The following CEP162 variants were observed in gnomAD, a reference collection of about 807,000 sequenced individuals.
CEP162 encodes centrosomal protein of 162 kDa.
In CEP162, 141 loss-of-function variants were observed where a neutral mutation model predicts 169.2. The ratio of observed to expected loss-of-function variants is 0.83; its 90% CI spans 0.73 to 0.96. CEP162 has a LOEUF of 0.96. Ranked by LOEUF, CEP162 falls within the 40% of genes least tolerant of loss-of-function variation. The pLI is 0.00. For missense variants in CEP162, 1,600 were observed against 1,587.2 expected (o/e 1.01, Z -0.14); for synonymous variants, 540 against 526.4 (o/e 1.03, Z -0.35).
chr6:84,174,872 C>T lies in CEP162; in HGVS notation c.1880G>A (p.Arg627Lys). 2.6e-6 allele frequency: 4 copies of T among 1,565,098 alleles called. No individual in the cohort carries two copies. Among genetic ancestry groups the T allele is most frequent in the African/African-American group, 1.4e-5 (1 of 73,778 alleles). Reference sequence around the variant, plus strand: ...TTGCTCAATTAGGGCTTGCGCACCCCTCCATTTATCCTCTGCTTCCTGAAC... The same window carrying T: ...TTGCTCAATTAGGGCTTGCGCACCCTTCCATTTATCCTCTGCTTCCTGAAC... The part of the protein sequence containing the change: ...KRVQEAEDKW[R>K]GAQALIEQIK... Residue 627 changes from arginine to lysine, a missense_variant, in exon 15 of 27, where the codon AGG (arginine) becomes AAG (lysine). Transcript: ENST00000403245.
At chr6:84,171,783 G>T in intron 16 of CEP162, 65 bp from the exon 17 acceptor site, 1 of 617,134 alleles carries the variant, frequency 1.6e-6, no homozygotes, top group South Asian at 3.2e-5. Context: ...CATAATATAT[G>T]TGCTCATAAT....
chr6:84,184,926 T>C (rs1293224472), intron 13 of CEP162, among the ~76,000 whole-genome samples: 2 of 151,964 alleles, frequency 1.3e-5, no homozygotes, highest in Admixed American at 1.3e-4. Context: ...GCTTTCCCCA[T>C]TCCAGCTGAG....
chr6:84,142,953 G>C (rs73483301), intron 25 of CEP162, among the ~76,000 whole-genome samples: 432 of 152,084 alleles, frequency 2.8e-3, no homozygotes, highest in African/African-American at 1.0e-2. Flanking sequence ...ATTTTCATAA[G>C]CAATCCAAGC....
intron 25 of CEP162, among the ~76,000 whole-genome samples, chr6:84,132,430 A>C (rs984758359): frequency 3.3e-5 from 5 of 152,128 alleles, no homozygotes; most frequent in Non-Finnish European, 4.4e-5. Context: ...TAATATCCTG[A>C]AGAGTGTTTT....
chr6:84,177,211 C>T (rs2099532768), intron 13 of CEP162, among the ~76,000 whole-genome samples: 3 of 152,192 alleles, frequency 2.0e-5, no homozygotes, highest in Admixed American at 2.0e-4. Flanking sequence ...TCCTCATCCC[C>T]TTCCCTAGTT....
In CEP162 at chr6:84,149,884, T is replaced by A. The variant is rs966534437; in HGVS notation, c.3630-181A>T. Among the ~76,000 whole-genome samples, 4 of 152,140 alleles carry A rather than the reference T, an allele frequency of 2.6e-5. No individual in the cohort carries two copies. In the South Asian group the frequency reaches 8.3e-4, roughly 32 times the overall value. On this transcript the variant is annotated intron_variant, in intron 23 of 26. Coordinates refer to ENST00000403245, the MANE Select transcript of CEP162 (RefSeq NM_014895.4). ...ACTGCCTATGAGTTCTTATGACCAA[T>A]CCATGAGCTACTATTTACTGAATTT...
intron 13 of CEP162, among the ~76,000 whole-genome samples, chr6:84,179,951 T>G (rs2129226848): frequency 6.6e-6 from 1 of 152,212 alleles, no homozygotes; most frequent in African/African-American, 2.4e-5. Context: ...CTGAAACTAT[T>G]CCAATCAATA....
At chr6:84,209,543 T>G (rs1377715017) in intron 6 of CEP162, among the ~76,000 whole-genome samples, 1 of 151,832 alleles carries the variant, frequency 6.6e-6, no homozygotes, top group Non-Finnish European at 1.5e-5. Flanking sequence ...CCCGGCTAAT[T>G]TTTTGTATTT....
chr6:84,150,319 T>C (rs1448951729), intron 23 of CEP162, among the ~76,000 whole-genome samples: 2 of 152,138 alleles, frequency 1.3e-5, no homozygotes, highest in African/African-American at 4.8e-5. Flanking sequence ...TAAATAAAGA[T>C]TTGGTATATT....
At chr6:84,129,848 A>C (rs1165722368) in intron 25 of CEP162, among the ~76,000 whole-genome samples, 1 of 152,004 alleles carries the variant, frequency 6.6e-6, no homozygotes, top group African/African-American at 2.4e-5. Flanking sequence ...ACTACCCTTT[A>C]TTTCTTTTTC....
chr6:84,155,521 A>C lies in CEP162; in HGVS notation c.2782-11T>G, dbSNP rs769963821. On this transcript the variant is annotated splice_polypyrimidine_tract_variant and intron_variant, in intron 21 of 26. Coordinates refer to ENST00000403245, the MANE Select transcript of CEP162 (RefSeq NM_014895.4). ...TTCCATTTCCTTAACCTATTAAAAC[A>C]TATTTTCCACCAAAGAACACTTAGA... The C allele has an allele frequency of 7.1e-6, 11 of 1,549,584 alleles. No individual in the cohort carries two copies. The highest frequency in any genetic ancestry group is 8.9e-6 in the Non-Finnish European group (10 of 1,129,752).
chr6:84,207,509 T>A (rs976334068), intron 6 of CEP162, among the ~76,000 whole-genome samples: 1 of 134,614 alleles, frequency 7.4e-6, no homozygotes, highest in African/African-American at 2.8e-5. Flanking sequence ...TAGGTGGGGA[T>A]TGAACAATGA....
At chr6:84,133,988 G>A (rs1305852312) in intron 25 of CEP162, among the ~76,000 whole-genome samples, 2 of 152,152 alleles carry the variant, frequency 1.3e-5, no homozygotes, top group Non-Finnish European at 2.9e-5. Context: ...TGGCCATCTT[G>A]CATTTCAGAT....
chr6:84,153,799 CAG>C (rs2099522006), intron 22 of CEP162, among the ~76,000 whole-genome samples: 1 of 152,120 alleles, frequency 6.6e-6, no homozygotes, highest in African/African-American at 2.4e-5. Context: ...CAAAAAGACT[CAG>C]TTATTATTTT....
rs764214710 is a variant in CEP162 at position 84,125,130 on chromosome 6, G to A, written c.4152C>T (p.His1384=). The A allele has an allele frequency of 1.3e-5, 21 of 1,613,490 alleles. No homozygotes were observed. The South Asian group carries it at 2.3e-4, about 18-fold the overall frequency. ...DSILDVLREL[H]RQGVVVPVAF... The stretch of plus-strand genomic sequence containing the variant: ...CAACTGGCACAACCACTCCTTGCCG[G>A]TGCAGCTCTCGGAGAACATCTAATA... Residue 1384 remains histidine, a synonymous_variant, in exon 27 of 27, where the codon CAC becomes CAT. Coordinates refer to ENST00000403245, the MANE Select transcript of CEP162 (RefSeq NM_014895.4).
intron 13 of CEP162, among the ~76,000 whole-genome samples, chr6:84,184,638 C>A (rs1257646200): frequency 1.3e-5 from 2 of 152,044 alleles, no homozygotes; most frequent in Admixed American, 1.3e-4. Flanking sequence ...CAGGTTCCTC[C>A]TCTTCTGCCT....
Position 84,195,089 on chromosome 6 carries a change from C to T in CEP162, c.836-14G>A, listed in dbSNP as rs746407715. 30 of 1,537,362 alleles carry T rather than the reference C, an allele frequency of 2.0e-5. No homozygotes were observed. The highest frequency in any genetic ancestry group is 3.4e-4 in the Middle Eastern group (2 of 5,836). The stretch of plus-strand genomic sequence containing the variant: ...CATAAGAAACACCTGTTGAAATAAA[C>T]GTAATCACCAGAAATAATTACATCA... On this transcript the variant is annotated splice_polypyrimidine_tract_variant and intron_variant, in intron 9 of 26. Transcript: ENST00000403245.
intron 9 of CEP162, among the ~76,000 whole-genome samples, chr6:84,195,726 T>C (rs1424958577): frequency 6.6e-6 from 1 of 152,214 alleles, no homozygotes; most frequent in Non-Finnish European, 1.5e-5. Flanking sequence ...GAGGGCAATT[T>C]TCCAACTCTT....
At chr6:84,224,180 T>C (rs556563333) in intron 2 of CEP162, among the ~76,000 whole-genome samples, 2 of 152,346 alleles carry the variant, frequency 1.3e-5, no homozygotes, top group East Asian at 1.9e-4. Context: ...GTGGTACATC[T>C]ACACAATGAA....
Sources: allele counts gnomAD v4.1 joint callset (sites outside exome capture counted in the v4.1 genomes callset), GRCh38; gene constraint gnomAD v4.1.1; transcripts MANE v1.5; gene names NCBI Gene and HGNC (gene_info 2026-07-23, HGNC 2026-07-21).